The following FOXP2 variants were observed in gnomAD, a reference collection of about 807,000 sequenced individuals.
FOXP2 encodes forkhead box protein P2.
FOXP2 carries 12 observed loss-of-function variants against 115.8 expected under a neutral mutation model. The observed-to-expected ratio is 0.10, with a 90% CI of 0.07 to 0.17. The LOEUF (loss-of-function observed/expected upper bound fraction) is 0.17, where lower values mean the gene tolerates loss of function less well. FOXP2 is among the 10% of genes least tolerant of loss of function. FOXP2 has a pLI of 1.00. For synonymous variants in FOXP2, 328 were observed against 297.7 expected (o/e 1.10, Z -1.05); for missense variants, 629 against 843.5 (o/e 0.75, Z 3.15).
At chr7:114,274,741 A>C (rs1050686636) in intron 1 of FOXP2, among the ~76,000 whole-genome samples, 7 of 146,560 alleles carry the variant, frequency 4.8e-5, no homozygotes, top group African/African-American at 1.5e-4. Flanking sequence ...TCAACCACCC[A>C]GGTAGCTGGG....
intron 1 of FOXP2, among the ~76,000 whole-genome samples, chr7:114,186,666 C>G (rs993778468): frequency 6.6e-6 from 1 of 152,250 alleles, no homozygotes; most frequent in South Asian, 2.1e-4. Flanking sequence ...ATGGCCTCAT[C>G]GCTGTGGTGG....
At position 114,188,283 on chromosome 7, in the gene FOXP2, C is replaced by T. The variant is rs1019071562; in HGVS notation, c.-102+25195C>T. Among the ~76,000 whole-genome samples the T allele has an allele frequency of 7.9e-5, 12 of 152,294 alleles. No homozygotes were observed. In the South Asian group the frequency reaches 8.3e-4, roughly 11 times the overall value. ...TGAAAGGCCCTCTATAATCTGGCTC[C>T]TGCCTAGTTTTTCTTCTTCATCTAT... On this transcript the variant is annotated intron_variant, in intron 1 of 17. Transcript: ENST00000634411.
chr7:114,271,445 T>C (rs2129172906), intron 1 of FOXP2, among the ~76,000 whole-genome samples: 2 of 142,548 alleles, frequency 1.4e-5, no homozygotes, highest in East Asian at 3.9e-4. Flanking sequence ...GTTAAGGAAG[T>C]TCCCATCTAT....
chr7:114,650,953 CAAAT>C (rs1584993685), intron 8 of FOXP2, among the ~76,000 whole-genome samples: 2 of 152,090 alleles, frequency 1.3e-5, no homozygotes, highest in African/African-American at 4.8e-5. Context: ...GGTATATAAA[CAAAT>C]AAACCTTTTG....
chr7:114,630,032 A>G (rs754897692), intron 5 of FOXP2, 27 bp downstream of exon 5: 59 of 1,604,980 alleles, frequency 3.7e-5, no homozygotes, highest in South Asian at 2.9e-4. Context: ...TCATTGATAC[A>G]TAACAGTTTG....
At chr7:114,179,789 GATT>G (rs1398108419) in intron 1 of FOXP2, among the ~76,000 whole-genome samples, 1 of 152,004 alleles carries the variant, frequency 6.6e-6, no homozygotes, top group African/African-American at 2.4e-5. Flanking sequence ...ACTGTGGCCA[GATT>G]ATTATAGTGA....
chr7:114,421,892 C>T (rs1793638984), intron 1 of FOXP2, among the ~76,000 whole-genome samples: 1 of 151,790 alleles, frequency 6.6e-6, no homozygotes, highest in South Asian at 2.1e-4. Flanking sequence ...CAAGAGTTAT[C>T]ATTATTTAAA....
At chr7:114,131,523 C>T (rs566866168) in intron 1 of FOXP2, among the ~76,000 whole-genome samples, 19 of 151,662 alleles carry the variant, frequency 1.3e-4, no homozygotes, top group African/African-American at 4.4e-4. Context: ...AATATTATAA[C>T]TACATTAGTC....
intron 2 of FOXP2, among the ~76,000 whole-genome samples, chr7:114,472,346 T>TA (rs952294780): frequency 1.5e-5 from 2 of 136,490 alleles, no homozygotes; most frequent in African/African-American, 5.8e-5. Context: ...TTATAAATTC[T>TA]TTTTTTTTTT....
chr7:114,320,650 T>C (rs146912360), intron 2 of FOXP2, among the ~76,000 whole-genome samples: 115 of 152,308 alleles, frequency 7.6e-4, no homozygotes, highest in African/African-American at 2.6e-3. Context: ...CTCTCATGAG[T>C]GCTCAACTTA....
At chr7:114,521,716 A>T (rs1798635007) in intron 2 of FOXP2, among the ~76,000 whole-genome samples, 2 of 151,648 alleles carry the variant, frequency 1.3e-5, no homozygotes, top group South Asian at 4.2e-4. Flanking sequence ...GGTAAAGAAT[A>T]TATTGTGGTA....
At chr7:114,515,822 G>T (rs930089962) in intron 2 of FOXP2, among the ~76,000 whole-genome samples, 73 of 152,204 alleles carry the variant, frequency 4.8e-4, no homozygotes, top group Non-Finnish European at 9.1e-4. Flanking sequence ...GCTTCAAAGA[G>T]AATAAAATAC....
intron 2 of FOXP2, among the ~76,000 whole-genome samples, chr7:114,291,264 C>T (rs1462203716): frequency 6.6e-6 from 1 of 152,094 alleles, no homozygotes; most frequent in Non-Finnish European, 1.5e-5. Flanking sequence ...TGAGAGAACT[C>T]TCTGGGGTTC....
chr7:114,624,924 T>A (rs1804466266), intron 3 of FOXP2, among the ~76,000 whole-genome samples: 1 of 151,466 alleles, frequency 6.6e-6, no homozygotes, highest in African/African-American at 2.4e-5. Context: ...TACCTAAATT[T>A]TTTTTTTTAC....
chr7:114,200,498 T>A (rs1306617439), intron 1 of FOXP2, among the ~76,000 whole-genome samples: 1 of 152,208 alleles, frequency 6.6e-6, no homozygotes, highest in Non-Finnish European at 1.5e-5. Context: ...TATTTACTAA[T>A]CCTTGAACTA....
At chr7:114,398,743 C>T (rs926084664) in intron 2 of FOXP2, among the ~76,000 whole-genome samples, 26 of 152,166 alleles carry the variant, frequency 1.7e-4, no homozygotes, top group African/African-American at 6.0e-4. Flanking sequence ...GTTCATATAT[C>T]CAGGAGTAAT....
chr7:114,107,739 T>C (rs1791156944), intron 1 of FOXP2, among the ~76,000 whole-genome samples: 1 of 151,980 alleles, frequency 6.6e-6, no homozygotes, highest in African/African-American at 2.4e-5. Context: ...TAGTAACTAT[T>C]TTATGCAGTA....
chr7:114,590,288 C>A (rs1242544736), intron 3 of FOXP2, among the ~76,000 whole-genome samples: 1 of 152,092 alleles, frequency 6.6e-6, no homozygotes, highest in Non-Finnish European at 1.5e-5. Flanking sequence ...AGAAATTCTG[C>A]CTACAAGTGA....
chr7:114,663,448 A>G lies in FOXP2; in HGVS notation c.1770-2A>G. ...ATGATCTTTATATATTTTTTTTTTC[A>G]GAAGTCCAACCTTAGTAAAAAATAT... On this transcript the variant is annotated splice_acceptor_variant, in intron 14 of 16. Transcript: ENST00000350908. LOFTEE classifies it high-confidence loss of function. 1.3e-6 allele frequency: 2 copies of G among 1,551,754 alleles called. No homozygotes were observed. The highest frequency in any genetic ancestry group is 1.8e-6 in the Non-Finnish European group (2 of 1,130,144).
Sources: gnomAD v4.1 joint callset for allele counts (sites outside exome capture counted in the v4.1 genomes callset) on GRCh38, gnomAD v4.1.1 for gene constraint, MANE v1.5 for transcripts, NCBI Gene and HGNC (gene_info 2026-07-23, HGNC 2026-07-21) for gene names.